The following ARHGAP8 variants were observed in gnomAD, a reference collection of about 807,000 sequenced individuals.
ARHGAP8 encodes the protein rho GTPase-activating protein 8.
In ARHGAP8, 62 loss-of-function variants were observed where a neutral mutation model predicts 46.1. The observed-to-expected ratio is 1.34, with a 90% confidence interval of 1.10 to 1.66. The LOEUF is 1.66. Ranked by LOEUF, ARHGAP8 falls within the 40% of genes most tolerant of loss-of-function variation. The pLI, the probability that ARHGAP8 is intolerant of heterozygous loss-of-function variation, is 0.00. For missense variants in ARHGAP8, 923 were observed against 568.4 expected, an observed-to-expected ratio of 1.62 and a Z score of -6.34; for synonymous variants, 375 against 243.1, an observed-to-expected ratio of 1.54 and a Z score of -5.05.
At chr22:44,781,083 C>T (rs1454748204) in intron 1 of ARHGAP8, among the ~76,000 whole-genome samples, 5 of 152,142 alleles carry the variant, frequency 3.3e-5, no homozygotes, top group South Asian at 2.1e-4. Context: ...GCGCTGCCGG[C>T]GGCTGCCGGG....
At chr22:44,784,876 A>T (rs1262720603) in intron 1 of ARHGAP8, among the ~76,000 whole-genome samples, 1 of 152,132 alleles carries the variant, frequency 6.6e-6, no homozygotes, top group African/African-American at 2.4e-5. Context: ...TTGTTGACTG[A>T]CTGGAAGGAG....
At chr22:44,852,783 A>T (rs2147176204) in intron 10 of ARHGAP8, among the ~76,000 whole-genome samples, 1 of 151,750 alleles carries the variant, frequency 6.6e-6, no homozygotes, top group South Asian at 2.1e-4. Context: ...AGTTCCGGGG[A>T]TTTTTTTTAT....
intron 5 of ARHGAP8, among the ~76,000 whole-genome samples, chr22:44,818,450 CAAA>C (rs749292883): frequency 2.4e-5 from 3 of 125,426 alleles, no homozygotes; most frequent in Non-Finnish European, 4.8e-5. Context: ...ACTCCAGTCT[CAAA>C]AAAAAAAAAA....
chr22:44,862,782 T>G lies in ARHGAP8; in HGVS notation c.*187T>G. ...TCCTGAGCTGTGGACCGGGATAGAATAATGCATTTGTTAGGATGGATGTTT... is the reference window on the plus strand; with the variant it reads ...TCCTGAGCTGTGGACCGGGATAGAAGAATGCATTTGTTAGGATGGATGTTT... On this transcript the variant is annotated 3_prime_UTR_variant, in exon 12 of 12. Coordinates refer to ENST00000356099, the MANE Select transcript of ARHGAP8 (RefSeq NM_181335.3). The G allele has an allele frequency of 1.5e-6, 1 of 677,182 alleles. No individual in the cohort carries two copies. 41.9% of individuals were successfully genotyped at this position (677,182 alleles called of 1,614,324 possible).
At chr22:44,835,435 T>G (rs1314979323) in intron 7 of ARHGAP8, among the ~76,000 whole-genome samples, 1 of 151,914 alleles carries the variant, frequency 6.6e-6, no homozygotes, top group South Asian at 2.1e-4. Flanking sequence ...CTGGCCAACA[T>G]GGTGAAACCC....
intron 11 of ARHGAP8, 62 bp downstream of exon 11, chr22:44,859,896 C>G (rs184045643): frequency 3.8e-6 from 6 of 1,566,580 alleles, no homozygotes; most frequent in African/African-American, 1.4e-5. Context: ...ATGCTGGGCC[C>G]GCATGGACCA....
chr22:44,768,189 G>T (rs1296449825), intron 1 of ARHGAP8, among the ~76,000 whole-genome samples: 1 of 151,560 alleles, frequency 6.6e-6, no homozygotes, highest in Non-Finnish European at 1.5e-5. Context: ...TAGAGACAGG[G>T]TTTCACCATG....
chr22:44,824,359 C>T (rs1347804018), intron 6 of ARHGAP8, among the ~76,000 whole-genome samples: 1 of 152,230 alleles, frequency 6.6e-6, no homozygotes, highest in Non-Finnish European at 1.5e-5. Flanking sequence ...TAGCAGCTCA[C>T]ACGTGCTTGG....
intron 5 of ARHGAP8, among the ~76,000 whole-genome samples, chr22:44,818,710 T>TC (rs201967768): frequency 6.6e-6 from 1 of 151,864 alleles, no homozygotes; most frequent in African/African-American, 2.4e-5. Context: ...CTTTTCTCTT[T>TC]TTTTTTCATA....
chr22:44,822,052 C>G (rs111651750), intron 5 of ARHGAP8, among the ~76,000 whole-genome samples: 1 of 152,214 alleles, frequency 6.6e-6, no homozygotes. Flanking sequence ...CTGCATCCCC[C>G]AAAAGCGCTT....
chr22:44,773,024 C>G (rs1235337124), intron 1 of ARHGAP8, among the ~76,000 whole-genome samples: 1 of 152,014 alleles, frequency 6.6e-6, no homozygotes, highest in Non-Finnish European at 1.5e-5. Flanking sequence ...ATATGTTGCC[C>G]AGGCCAGTCT....
intron 2 of ARHGAP8, among the ~76,000 whole-genome samples, chr22:44,792,062 G>T (rs1927730060): frequency 6.6e-6 from 1 of 151,222 alleles, no homozygotes; most frequent in Non-Finnish European, 1.5e-5. Context: ...GCCCAGGCTG[G>T]AGTGCAGTGG....
intron 1 of ARHGAP8, among the ~76,000 whole-genome samples, chr22:44,757,879 C>A (rs1924813900): frequency 1.3e-5 from 2 of 150,116 alleles, no homozygotes; most frequent in Non-Finnish European, 2.9e-5. Flanking sequence ...GTTTCGAACT[C>A]CTGACCTCAA....
intron 7 of ARHGAP8, among the ~76,000 whole-genome samples, chr22:44,838,365 T>G (rs1298009258): frequency 6.6e-6 from 1 of 152,178 alleles, no homozygotes; most frequent in Non-Finnish European, 1.5e-5. Flanking sequence ...CTCGAACTCC[T>G]GACCTCGTGA....
chr22:44,784,894 C>T (rs980144271), intron 1 of ARHGAP8, among the ~76,000 whole-genome samples: 2 of 152,184 alleles, frequency 1.3e-5, no homozygotes. Flanking sequence ...GAGGGGTGTC[C>T]TGTGGCACCC....
chr22:44,757,041 C>T (rs1220282606), intron 1 of ARHGAP8, among the ~76,000 whole-genome samples: 5 of 151,994 alleles, frequency 3.3e-5, no homozygotes, highest in Non-Finnish European at 5.9e-5. Context: ...TGAGCCTTCC[C>T]GAGTAGCTCA....
chr22:44,841,856 G>A (rs1931673440), intron 7 of ARHGAP8, among the ~76,000 whole-genome samples: 1 of 152,178 alleles, frequency 6.6e-6, no homozygotes, highest in African/African-American at 2.4e-5. Flanking sequence ...CAGAGTCAGT[G>A]GGGCAGGGAG....
intron 7 of ARHGAP8, among the ~76,000 whole-genome samples, chr22:44,831,999 A>G (rs1315817711): frequency 2.0e-5 from 3 of 152,124 alleles, no homozygotes; most frequent in Non-Finnish European, 4.4e-5. Context: ...TGTAAAAGGC[A>G]GCTGGGATTT....
At chr22:44,807,651 C>T (rs962909502) in intron 3 of ARHGAP8, among the ~76,000 whole-genome samples, 4 of 152,134 alleles carry the variant, frequency 2.6e-5, no homozygotes, top group African/African-American at 9.7e-5. Context: ...TAACCATGAT[C>T]GCAAATGTGG....
Sources: gnomAD v4.1 joint callset for allele counts (sites outside exome capture counted in the v4.1 genomes callset) on GRCh38, gnomAD v4.1.1 for gene constraint, MANE v1.5 for transcripts, NCBI Gene and HGNC (gene_info 2026-07-23, HGNC 2026-07-21) for gene names.